Variants in IFT80 observed in about 807,000 individuals in gnomAD.
IFT80 encodes the protein intraflagellar transport protein 80 homolog.
Under a neutral mutation model 107.9 loss-of-function variants are expected in IFT80, and 79 were observed. The ratio of observed to expected loss-of-function variants is 0.73; its 90% CI spans 0.61 to 0.88. The LOEUF (loss-of-function observed/expected upper bound fraction) is 0.88. Among genes scored for constraint, IFT80 ranks in the 40% least tolerant of loss-of-function variants. The pLI, the probability that IFT80 is intolerant of heterozygous loss-of-function variation, is 0.00. For missense variants in IFT80, 797 were observed against 914.2 expected (o/e 0.87, Z 1.65); for synonymous variants, 299 against 300.9 (o/e 0.99, Z 0.07).
At chr3:160,307,580 C>T in intron 10 of IFT80, 83 bp downstream of exon 10, 2 of 832,054 alleles carry the variant, frequency 2.4e-6, no homozygotes, top group Non-Finnish European at 2.1e-6. Flanking sequence ...TAAACCAAAC[C>T]ACGCTGATGT....
chr3:160,264,925 C>T (rs377032711), intron 19 of IFT80, among the ~76,000 whole-genome samples: 2 of 152,124 alleles, frequency 1.3e-5, no homozygotes, highest in East Asian at 3.9e-4. Flanking sequence ...CTGCAGTGAG[C>T]TTCTACTATT....
intron 6 of IFT80, among the ~76,000 whole-genome samples, chr3:160,360,749 G>A (rs1721431393): frequency 6.6e-6 from 1 of 152,080 alleles, no homozygotes; most frequent in Non-Finnish European, 1.5e-5. Context: ...TTTCATATCT[G>A]ACCAAACTAA....
rs554818005 is a variant in IFT80, at chr3:160,355,604, G to A, written c.777+409C>T. Among the ~76,000 whole-genome samples the A allele has an allele frequency of 1.5e-4, 23 of 151,170 alleles. No homozygotes were observed. In the South Asian group the frequency reaches 3.5e-3, roughly 23 times the overall value. On this transcript the variant is annotated intron_variant, in intron 8 of 19. Coordinates refer to ENST00000326448, the MANE Select transcript of IFT80 (RefSeq NM_020800.3). Reference sequence around the variant, plus strand: ...TTCCAATGCACTATTAATTTCTTACGCAAAATATGCAATCGAGATTTCGTA... The same window carrying A: ...TTCCAATGCACTATTAATTTCTTACACAAAATATGCAATCGAGATTTCGTA...
At chr3:160,322,789 A>G (rs1718350425) in intron 8 of IFT80, among the ~76,000 whole-genome samples, 2 of 152,174 alleles carry the variant, frequency 1.3e-5, no homozygotes, top group Non-Finnish European at 1.5e-5. Context: ...ATGGCCAGTG[A>G]TGATGAGCAT....
In IFT80 at chr3:160,279,318, C is replaced by T; in HGVS notation, c.1711G>A (p.Val571Ile). ...GAGCCATCAGCTCTTCTAATAGTTA[C>T]TTGATTTCCAACAAAACTCACAATA... Reference protein sequence around the residue: ...PHIVSFVGNQVTIRRADGSLV... With the variant: ...PHIVSFVGNQITIRRADGSLV... Residue 571 changes from valine to isoleucine, a missense_variant, in exon 16 of 20, where the codon GTA becomes ATA. By Grantham distance (29) the Val-to-Ile change is conservative (BLOSUM62 3). Transcript: ENST00000326448. 6.2e-7 allele frequency: 1 copy of T among 1,613,132 alleles called. No homozygotes were observed. Among genetic ancestry groups the T allele is most frequent in the Non-Finnish European group, 8.5e-7 (1 of 1,179,318 alleles).
intron 1 of IFT80, among the ~76,000 whole-genome samples, chr3:160,398,533 A>T (rs1012530259): frequency 2.0e-5 from 3 of 152,246 alleles, no homozygotes; most frequent in African/African-American, 7.2e-5. Flanking sequence ...GATTCTGATT[A>T]TAAAGTTGTA....
chr3:160,369,266 C>A (rs1027574951), intron 5 of IFT80, among the ~76,000 whole-genome samples: 2 of 151,776 alleles, frequency 1.3e-5, no homozygotes, highest in Non-Finnish European at 3.0e-5. Flanking sequence ...AACCACATTC[C>A]TTCAATCAAA....
chr3:160,384,949 T>G (rs1712811184), intron 1 of IFT80, among the ~76,000 whole-genome samples: 1 of 152,210 alleles, frequency 6.6e-6, no homozygotes, highest in Non-Finnish European at 1.5e-5. Flanking sequence ...ATAAAAAGAT[T>G]CCACAAACTG....
intron 12 of IFT80, among the ~76,000 whole-genome samples, chr3:160,291,125 G>T (rs778760996): frequency 1.3e-5 from 2 of 152,170 alleles, no homozygotes; most frequent in Non-Finnish European, 2.9e-5. Flanking sequence ...AATACAGATT[G>T]GAACTTACAG....
intron 13 of IFT80, among the ~76,000 whole-genome samples, chr3:160,283,695 T>C (rs1714874518): frequency 6.6e-6 from 1 of 152,176 alleles, no homozygotes; most frequent in African/African-American, 2.4e-5. Flanking sequence ...CATCAGAACC[T>C]AGTGTATTCT....
At chr3:160,370,333 C>T (rs1231982147) in intron 5 of IFT80, among the ~76,000 whole-genome samples, 1 of 151,790 alleles carries the variant, frequency 6.6e-6, no homozygotes, top group Non-Finnish European at 1.5e-5. Context: ...TTGTAATAAG[C>T]AAGCATTTGC....
intron 9 of IFT80, among the ~76,000 whole-genome samples, chr3:160,318,910 G>A (rs777706056): frequency 2.6e-5 from 4 of 151,868 alleles, no homozygotes; most frequent in African/African-American, 4.8e-5. Context: ...CATGTGAGAG[G>A]TGCCCTCCCT....
intron 8 of IFT80, among the ~76,000 whole-genome samples, chr3:160,336,206 T>C (rs537145350): frequency 8.3e-4 from 127 of 152,324 alleles, no homozygotes; most frequent in African/African-American, 3.0e-3. Context: ...TTTAATGTTT[T>C]GAGTAGCTGC....
chr3:160,315,053 A>AAGGGAGGGAGGGAGGGAGGGAGGG (rs3043631), intron 9 of IFT80, among the ~76,000 whole-genome samples: 1 of 45,170 alleles, frequency 2.2e-5, no homozygotes, highest in African/African-American at 8.7e-5. Flanking sequence ...AAAAAGAAGG[A>AAGGGAGGGAGGGAGGGAGGGAGGG]AGGGAGGGAG....
rs1368821600 is a variant in IFT80 at position 160,356,739 on chromosome 3, T to G, written c.640-589A>C. On this transcript the variant is annotated intron_variant, in intron 7 of 19. Transcript: ENST00000326448. ...TCTTGTTATATTGCCTAGGCTATTCTCCAACTCCTGGTCTCAAGTAACCCT... is the reference window on the plus strand; with the variant it reads ...TCTTGTTATATTGCCTAGGCTATTCGCCAACTCCTGGTCTCAAGTAACCCT... Among the ~76,000 whole-genome samples the G allele has an allele frequency of 2.0e-5, 3 of 152,170 alleles. No individual in the cohort carries two copies. The East Asian group carries it at 5.8e-4, about 29-fold the overall frequency.
intron 19 of IFT80, among the ~76,000 whole-genome samples, chr3:160,260,796 A>G (rs951616604): frequency 3.3e-5 from 5 of 152,244 alleles, no homozygotes; most frequent in South Asian, 2.1e-4. Context: ...ATTCTTAGTC[A>G]CCTATAAGCA....
At chr3:160,336,087 T>C (rs1397690887) in intron 8 of IFT80, among the ~76,000 whole-genome samples, 1 of 152,200 alleles carries the variant, frequency 6.6e-6, no homozygotes, top group Non-Finnish European at 1.5e-5. Context: ...TTTTCAGCTT[T>C]TTGGCTTTTA....
At chr3:160,285,906 T>C (rs950265811) in intron 12 of IFT80, 38 bp from the exon 13 acceptor site, 1 of 1,427,408 alleles carries the variant, frequency 7.0e-7, no homozygotes, top group Non-Finnish European at 9.9e-7. Context: ...TGTGTTATAT[T>C]AGAATTTTTA....
intron 1 of IFT80, among the ~76,000 whole-genome samples, chr3:160,389,296 G>A (rs1270763472): frequency 6.6e-6 from 1 of 152,064 alleles, no homozygotes; most frequent in African/African-American, 2.4e-5. Context: ...ATAGAAAAAT[G>A]GTGATTGAAA....
Sources: allele counts gnomAD v4.1 joint callset (sites outside exome capture counted in the v4.1 genomes callset), GRCh38; gene constraint gnomAD v4.1.1; transcripts MANE v1.5; gene names NCBI Gene and HGNC (gene_info 2026-07-23, HGNC 2026-07-21).